CLSTN2: variants seen among roughly 807,000 people sequenced by gnomAD.
The protein encoded by CLSTN2 is calsyntenin-2.
CLSTN2 carries 48 observed loss-of-function variants against 101.2 expected under a neutral mutation model. The observed-to-expected ratio is 0.47, with a 90% CI of 0.38 to 0.60. The LOEUF (loss-of-function observed/expected upper bound fraction) is 0.60, where lower values mean the gene tolerates loss of function less well. CLSTN2 is among the 20% of genes least tolerant of loss of function. The pLI is 0.00. For missense variants in CLSTN2, 1,160 were observed against 1,238.2 expected (o/e 0.94, Z 0.95); for synonymous variants, 481 against 463.6 (o/e 1.04, Z -0.48).
At chr3:140,451,428 T>G (rs1369431480) in intron 6 of CLSTN2, among the ~76,000 whole-genome samples, 3 of 152,094 alleles carry the variant, frequency 2.0e-5, no homozygotes, top group Non-Finnish European at 4.4e-5. Context: ...TTATTTGGAG[T>G]TGGGAGCTGC....
chr3:140,204,543 G>C (rs2010755921), intron 2 of CLSTN2, among the ~76,000 whole-genome samples: 1 of 152,218 alleles, frequency 6.6e-6, no homozygotes, highest in African/African-American at 2.4e-5. Flanking sequence ...GTTTGTTTTT[G>C]TGTTAATTTG....
intron 1 of CLSTN2, among the ~76,000 whole-genome samples, chr3:140,095,503 G>C (rs1186122188): frequency 6.6e-6 from 1 of 152,206 alleles, no homozygotes; most frequent in Non-Finnish European, 1.5e-5. Flanking sequence ...GCCATTAGTG[G>C]AGAACTGGAG....
At chr3:140,504,589 A>C (rs899237045) in intron 8 of CLSTN2, among the ~76,000 whole-genome samples, 4 of 152,170 alleles carry the variant, frequency 2.6e-5, no homozygotes, top group Non-Finnish European at 5.9e-5. Flanking sequence ...TGCAGGTTGG[A>C]TGGAAGTCAT....
At chr3:140,226,065 A>G (rs967152948) in intron 2 of CLSTN2, among the ~76,000 whole-genome samples, 1 of 152,230 alleles carries the variant, frequency 6.6e-6, no homozygotes, top group Non-Finnish European at 1.5e-5. Flanking sequence ...GTTGATATAT[A>G]CAACCACCTG....
Position 140,572,764 on chromosome 3 carries a change from T to G in CLSTN2, c.*6511T>G, listed in dbSNP as rs1012018084. The stretch of plus-strand genomic sequence containing the variant: ...CACACTAAAGTTTGAGAACCACTGA[T>G]GCAGAGGATGAGGAGATGACTTGAG... On this transcript the variant is annotated 3_prime_UTR_variant, in exon 17 of 17. Coordinates refer to ENST00000458420, the MANE Select transcript of CLSTN2 (RefSeq NM_022131.3). 6.6e-6 allele frequency: 1 copy of G among 152,310 alleles called. No individual in the cohort carries two copies. Among genetic ancestry groups the G allele is most frequent in the African/African-American group, 2.4e-5 (1 of 41,462 alleles). 9.4% of individuals were successfully genotyped at this position (152,310 alleles called of 1,614,324 possible).
At chr3:140,225,975 A>G (rs1251694196) in intron 2 of CLSTN2, among the ~76,000 whole-genome samples, 1 of 152,126 alleles carries the variant, frequency 6.6e-6, no homozygotes, top group East Asian at 1.9e-4. Flanking sequence ...TGGGGATTTT[A>G]TTGGGTGATA....
chr3:140,372,176 G>A (rs140193264), intron 2 of CLSTN2, among the ~76,000 whole-genome samples: 1,768 of 152,250 alleles, frequency 0.012, 23 homozygotes, highest in African/African-American at 0.031. Context: ...CGTGCTCCTC[G>A]TAGTATCCGG....
At chr3:140,220,401 A>T (rs2086257170) in intron 2 of CLSTN2, among the ~76,000 whole-genome samples, 1 of 152,212 alleles carries the variant, frequency 6.6e-6, no homozygotes, top group South Asian at 2.1e-4. Flanking sequence ...CAGGACCATT[A>T]TTTGGAATTT....
chr3:140,259,963 C>T (rs9840502), intron 2 of CLSTN2, among the ~76,000 whole-genome samples: 85,462 of 151,320 alleles, frequency 0.56, 26,622 homozygotes, highest in East Asian at 0.96. Context: ...CACCAGGAGC[C>T]TACTTGAGGG....
At chr3:140,519,380 A>T (rs1934981987) in intron 8 of CLSTN2, among the ~76,000 whole-genome samples, 2 of 152,068 alleles carry the variant, frequency 1.3e-5, no homozygotes, top group Non-Finnish European at 2.9e-5. Flanking sequence ...TATCTTTGTT[A>T]ATTTTCTGTC....
rs761513804 is a variant in CLSTN2, at chr3:140,564,041, G to C, written c.2563G>C (p.Val855Leu). The C allele has an allele frequency of 4.3e-6, 7 of 1,614,114 alleles. No individual in the cohort carries two copies. Among genetic ancestry groups the C allele is most frequent in the Non-Finnish European group, 5.9e-6 (7 of 1,179,998 alleles). The change falls in exon 16 of 17, where the codon GTC becomes CTC. Residue 855 changes from valine to leucine, a missense_variant. Physicochemically the swap from Val to Leu is conservative, Grantham distance 32. Coordinates refer to ENST00000458420, the MANE Select transcript of CLSTN2 (RefSeq NM_022131.3). ...TGTCGTGGCCATGGGTGTGTACCGGGTCCGGATCGCCCACCAGCACTTCAT... is the reference window on the plus strand; with the variant it reads ...TGTCGTGGCCATGGGTGTGTACCGGCTCCGGATCGCCCACCAGCACTTCAT... ...VFVVAMGVYR[V>L]RIAHQHFIQE... is the part of the protein sequence containing the mutation.
chr3:140,560,324 CAA>C (rs753549444), intron 12 of CLSTN2, among the ~76,000 whole-genome samples: 1 of 152,176 alleles, frequency 6.6e-6, no homozygotes, highest in African/African-American at 2.4e-5. Context: ...CTGTCAATAC[CAA>C]AGACAGGAGA....
chr3:139,981,054 G>GT (rs1243202904), intron 1 of CLSTN2, among the ~76,000 whole-genome samples: 1 of 152,028 alleles, frequency 6.6e-6, no homozygotes, highest in African/African-American at 2.4e-5. Context: ...TTATGTGTGG[G>GT]TTTGATTGGG....
At chr3:140,264,818 T>TAATTGAG (rs1487487622) in intron 2 of CLSTN2, among the ~76,000 whole-genome samples, 1 of 152,122 alleles carries the variant, frequency 6.6e-6, no homozygotes, top group Non-Finnish European at 1.5e-5. Context: ...CAATGACTAT[T>TAATTGAG]AATTGAGAAT....
At chr3:140,288,960 C>T (rs1048431592) in intron 2 of CLSTN2, among the ~76,000 whole-genome samples, 4 of 152,154 alleles carry the variant, frequency 2.6e-5, no homozygotes, top group African/African-American at 9.6e-5. Context: ...CCCCCGTGCC[C>T]TTTTCCTCTT....
At chr3:140,158,432 A>G (rs2009991415) in intron 1 of CLSTN2, among the ~76,000 whole-genome samples, 1 of 152,128 alleles carries the variant, frequency 6.6e-6, no homozygotes, top group African/African-American at 2.4e-5. Context: ...AATGAAGAAC[A>G]CCATCTCATT....
intron 5 of CLSTN2, among the ~76,000 whole-genome samples, chr3:140,436,848 T>A (rs4142787): frequency 0.16 from 24,071 of 152,160 alleles, 2,452 homozygotes; most frequent in South Asian, 0.33. Flanking sequence ...TAAGACAAGC[T>A]TTATTATTTG....
chr3:140,011,185 T>C (rs1358742358), intron 1 of CLSTN2, among the ~76,000 whole-genome samples: 1 of 152,182 alleles, frequency 6.6e-6, no homozygotes, highest in Non-Finnish European at 1.5e-5. Flanking sequence ...CCTAGAAGCC[T>C]GGTTAGGGAG....
intron 2 of CLSTN2, among the ~76,000 whole-genome samples, chr3:140,307,497 C>G (rs1217321027): frequency 6.6e-6 from 1 of 152,206 alleles, no homozygotes; most frequent in Non-Finnish European, 1.5e-5. Flanking sequence ...ATCTAATAAC[C>G]TCTAAGTATT....
Sources: allele counts gnomAD v4.1 joint callset (sites outside exome capture counted in the v4.1 genomes callset), GRCh38; gene constraint gnomAD v4.1.1; transcripts MANE v1.5; gene names NCBI Gene and HGNC (gene_info 2026-07-23, HGNC 2026-07-21).